TFDP2: variants seen among roughly 807,000 people sequenced by gnomAD.
TFDP2 encodes transcription factor Dp-2.
TFDP2 carries 17 observed loss-of-function variants against 59.3 expected under a neutral mutation model. The observed-to-expected ratio is 0.29, with a 90% confidence interval of 0.20 to 0.43. TFDP2 has a LOEUF of 0.43. Among genes scored for constraint, TFDP2 ranks in the 20% least tolerant of loss-of-function variants. The pLI is 1.00. For missense variants in TFDP2, 391 were observed against 528.8 expected, an observed-to-expected ratio of 0.74 and a Z score of 2.56; for synonymous variants, 180 against 194.7, an observed-to-expected ratio of 0.92 and a Z score of 0.63.
At chr3:141,976,869 A>G (rs911993129) in intron 7 of TFDP2, among the ~76,000 whole-genome samples, 3 of 151,918 alleles carry the variant, frequency 2.0e-5, no homozygotes, top group African/African-American at 7.3e-5. Context: ...GTAATCCAAA[A>G]AAAAAAGGGA....
rs1461395341 is a variant in TFDP2, at chr3:142,005,489, A to G, written c.138T>C (p.Ile46=). 5 of 1,611,582 alleles carry G rather than the reference A, an allele frequency of 3.1e-6. No individual in the cohort carries two copies. The highest frequency in any genetic ancestry group is 4.2e-6 in the Non-Finnish European group (5 of 1,178,672). Residue 46 remains isoleucine, a synonymous_variant, in exon 4 of 13, where the codon ATT becomes ATC. Coordinates refer to ENST00000489671, the MANE Select transcript of TFDP2 (RefSeq NM_001178139.2). Reference sequence around the variant, plus strand: ...TTATTGGTCCTAAGGTTTTTGGTAAAATCTTTGTAGGTGAGTTGGTATTGG... The same window carrying G: ...TTATTGGTCCTAAGGTTTTTGGTAAGATCTTTGTAGGTGAGTTGGTATTGG... ...PVSNTNSPTK[I]LPKTLGPINV... is the part of the protein sequence containing the mutation.
chr3:142,065,886 T>G (rs1004439054), intron 3 of TFDP2, among the ~76,000 whole-genome samples: 1 of 151,980 alleles, frequency 6.6e-6, no homozygotes, highest in African/African-American at 2.4e-5. Flanking sequence ...CTAGATATTT[T>G]GGGGCTTAAA....
intron 1 of TFDP2, among the ~76,000 whole-genome samples, chr3:142,138,681 G>C (rs1387414719): frequency 6.6e-6 from 1 of 152,198 alleles, no homozygotes; most frequent in African/African-American, 2.4e-5. Context: ...GTGAGGTTTT[G>C]AGTGAGTTTC....
Position 142,013,932 on chromosome 3 carries a change from T to C in TFDP2, c.83-8388A>G, listed in dbSNP as rs538499895. Among the ~76,000 whole-genome samples, 126 of 151,680 alleles carry C rather than the reference T, an allele frequency of 8.3e-4. 1 individual carries two copies. The highest frequency in any genetic ancestry group is 2.9e-3 in the African/African-American group (122 of 41,370). On this transcript the variant is annotated intron_variant, in intron 3 of 12. Coordinates refer to ENST00000489671, the MANE Select transcript of TFDP2 (RefSeq NM_001178139.2). The stretch of plus-strand genomic sequence containing the variant: ...CATGGCACAGACTTTCTGAAAAAAA[T>C]TTTTTTTTGCTTGAATTAGCTTTAG...
At chr3:142,057,798 TAGA>T (rs749616396) in intron 3 of TFDP2, among the ~76,000 whole-genome samples, 42 of 152,346 alleles carry the variant, frequency 2.8e-4, no homozygotes, top group Admixed American at 8.5e-4. Flanking sequence ...AGGGAGACGC[TAGA>T]AGTTTTCCTC....
At position 142,133,405 on chromosome 3, in the gene TFDP2, A is replaced by C. The variant is rs183345567; in HGVS notation, c.-93+15778T>G. ...CTAATATTTTTTGTATTTTTAGTAGATATGGGGTTTCACTAGTCTCATACT... is the reference window on the plus strand; with the variant it reads ...CTAATATTTTTTGTATTTTTAGTAGCTATGGGGTTTCACTAGTCTCATACT... On this transcript the variant is annotated intron_variant, in intron 1 of 12. Coordinates refer to ENST00000489671, the MANE Select transcript of TFDP2 (RefSeq NM_001178139.2). Among the ~76,000 whole-genome samples, 18 of 149,476 alleles carry C rather than the reference A, an allele frequency of 1.2e-4. No homozygotes were observed. The East Asian group carries it at 2.1e-3, about 18-fold the overall frequency.
In TFDP2 at chr3:142,108,398, C is replaced by A. The variant is rs562982195; in HGVS notation, c.-92-6557G>T. ...CTAATTTTCTTATTTTTAGTAGAGA[C>A]GGGGTTTCACCATGTTGGCCAGGCT... is the stretch of plus-strand genomic sequence containing the variant. On this transcript the variant is annotated intron_variant, in intron 1 of 12. Coordinates refer to ENST00000489671, the MANE Select transcript of TFDP2 (RefSeq NM_001178139.2). Among the ~76,000 whole-genome samples, 34 of 152,076 alleles carry A rather than the reference C, an allele frequency of 2.2e-4. No homozygotes were observed. In the South Asian group the frequency reaches 6.8e-3, roughly 31 times the overall value.
At chr3:141,998,875 CA>C (rs898019049) in intron 4 of TFDP2, among the ~76,000 whole-genome samples, 7 of 151,716 alleles carry the variant, frequency 4.6e-5, no homozygotes, top group African/African-American at 1.7e-4. Flanking sequence ...CTGCCATCTA[CA>C]GTTAAAAAAA....
intron 3 of TFDP2, among the ~76,000 whole-genome samples, chr3:142,032,466 C>T (rs939240427): frequency 6.6e-6 from 1 of 152,220 alleles, no homozygotes; most frequent in Non-Finnish European, 1.5e-5. Flanking sequence ...TACACTCCCA[C>T]TCTAGAGGAT....
chr3:142,019,626 T>C lies in TFDP2; in HGVS notation c.83-14082A>G, dbSNP rs115194420. ...AAATTAATTATCAGCAGTTAGAATG[T>C]ATACTAAGATTATATTAAACACCCC... On this transcript the variant is annotated intron_variant, in intron 3 of 12. Coordinates refer to ENST00000489671, the MANE Select transcript of TFDP2 (RefSeq NM_001178139.2). Among the ~76,000 whole-genome samples, 321 of 140,852 alleles carry C rather than the reference T, an allele frequency of 2.3e-3. 4 individuals carry two copies. Among genetic ancestry groups the C allele is most frequent in the African/African-American group, 8.1e-3 (301 of 37,216 alleles). 92.4% of individuals were successfully genotyped at this position (140,852 alleles called of 152,430 possible).
At chr3:142,024,481 A>G (rs1945907080) in intron 3 of TFDP2, among the ~76,000 whole-genome samples, 1 of 152,168 alleles carries the variant, frequency 6.6e-6, no homozygotes, top group Admixed American at 6.5e-5. Context: ...CATCAGGCAC[A>G]TCTCCCCTCT....
rs181631944 is a variant in TFDP2 at position 142,003,096 on chromosome 3, G to A, written c.186+2345C>T. ...CTGCTCACTACAACTTCTTCCTCCC[G>A]GGTTCAAGCAATTCTCCTGCCTCAG... On this transcript the variant is annotated intron_variant, in intron 4 of 12. Coordinates refer to ENST00000489671, the MANE Select transcript of TFDP2 (RefSeq NM_001178139.2). Among the ~76,000 whole-genome samples the A allele has an allele frequency of 3.3e-5, 5 of 151,850 alleles. No homozygotes were observed. The East Asian group carries it at 7.8e-4, about 24-fold the overall frequency.
chr3:142,116,441 A>C (rs1413479895), intron 1 of TFDP2, among the ~76,000 whole-genome samples: 1 of 152,214 alleles, frequency 6.6e-6, no homozygotes, highest in African/African-American at 2.4e-5. Flanking sequence ...ACAGAGGCAG[A>C]GATTGGAATT....
intron 3 of TFDP2, among the ~76,000 whole-genome samples, chr3:142,063,720 T>C (rs2059989027): frequency 6.6e-6 from 1 of 152,268 alleles, no homozygotes; most frequent in Non-Finnish European, 1.5e-5. Flanking sequence ...TCTTTTATTT[T>C]AGACAGTGCT....
At chr3:142,049,730 G>C (rs1947517987) in intron 3 of TFDP2, among the ~76,000 whole-genome samples, 1 of 152,146 alleles carries the variant, frequency 6.6e-6, no homozygotes, top group Non-Finnish European at 1.5e-5. Flanking sequence ...AATGGACTAG[G>C]AGTGAGTTTG....
At chr3:142,071,290 G>A (rs967909404) in intron 3 of TFDP2, among the ~76,000 whole-genome samples, 3 of 151,888 alleles carry the variant, frequency 2.0e-5, no homozygotes, top group Admixed American at 6.6e-5. Context: ...CCTAGTAGCT[G>A]GGATTACAGG....
intron 6 of TFDP2, among the ~76,000 whole-genome samples, chr3:141,985,519 CAAAA>C (rs61684289): frequency 9.3e-4 from 69 of 74,408 alleles, no homozygotes; most frequent in Middle Eastern, 0.014. Context: ...GACGCTGTCT[CAAAA>C]AAAAAAAAAA....
chr3:142,047,382 CTA>C (rs1947392407), intron 3 of TFDP2, among the ~76,000 whole-genome samples: 2 of 152,144 alleles, frequency 1.3e-5, no homozygotes, highest in Non-Finnish European at 2.9e-5. Context: ...TATAATAACA[CTA>C]TAATCCATAC....
Position 142,144,385 on chromosome 3 carries a change from G to A in TFDP2, c.-93+4798C>T, listed in dbSNP as rs191364337. On this transcript the variant is annotated intron_variant, in intron 1 of 12. Coordinates refer to ENST00000489671, the MANE Select transcript of TFDP2 (RefSeq NM_001178139.2). The stretch of plus-strand genomic sequence containing the variant: ...GCTCTGTCTCAAAAAAAAAAAAAGC[G>A]GGGCAGCAGGGGTGGAGGGGTTTGA... 5.1e-3 allele frequency among the ~76,000 whole-genome samples: 768 copies of A among 151,632 alleles called. 4 individuals are homozygous for A. Among genetic ancestry groups the A allele is most frequent in the Middle Eastern group, 0.017 (5 of 290 alleles).
Sources: gnomAD v4.1 joint callset for allele counts (sites outside exome capture counted in the v4.1 genomes callset) on GRCh38, gnomAD v4.1.1 for gene constraint, MANE v1.5 for transcripts, NCBI Gene and HGNC (gene_info 2026-07-23, HGNC 2026-07-21) for gene names.